ADAMTS17: variants seen among roughly 807,000 people sequenced by gnomAD.
ADAMTS17 encodes ADAM metallopeptidase with thrombospondin type 1 motif 17.
In ADAMTS17, 113 loss-of-function variants were observed where a neutral mutation model predicts 141.5. The ratio of observed to expected loss-of-function variants is 0.80; its 90% CI spans 0.69 to 0.93. The LOEUF is 0.93. Among genes scored for constraint, ADAMTS17 ranks in the 40% least tolerant of loss-of-function variants. ADAMTS17 has a pLI of 0.00. For missense variants in ADAMTS17, 1,659 were observed against 1,517.9 expected, an observed-to-expected ratio of 1.09 and a Z score of -1.54; for synonymous variants, 768 against 630.6, an observed-to-expected ratio of 1.22 and a Z score of -3.27.
chr15:100,151,734 C>T (rs932193094), intron 10 of ADAMTS17, among the ~76,000 whole-genome samples: 1 of 152,210 alleles, frequency 6.6e-6, no homozygotes, highest in Non-Finnish European at 1.5e-5. Flanking sequence ...AGGTGGACCA[C>T]AGGCTCCTGG....
At chr15:100,181,274 G>A (rs1483772311) in intron 8 of ADAMTS17, among the ~76,000 whole-genome samples, 4 of 152,210 alleles carry the variant, frequency 2.6e-5, no homozygotes, top group Admixed American at 1.3e-4. Flanking sequence ...TGGAACTGGG[G>A]ACCCCAAGAG....
chr15:100,140,854 C>T (rs1478729025), intron 10 of ADAMTS17, among the ~76,000 whole-genome samples: 5 of 152,108 alleles, frequency 3.3e-5, no homozygotes, highest in African/African-American at 7.2e-5. Context: ...CTGTGCTCAG[C>T]GACATGCCGT....
rs1378328875 is a variant in ADAMTS17 at position 100,136,084 on chromosome 15, C to T, written c.1474-2769G>A. On this transcript the variant is annotated intron_variant, in intron 10 of 21. Transcript: ENST00000268070. ...AGCAATTCGAATCCTAAGTATATAA[C>T]GCAAAAAATGTGTATGTGTTCACCA... 7.2e-5 allele frequency among the ~76,000 whole-genome samples: 11 copies of T among 152,208 alleles called. No homozygotes were observed. The South Asian group carries it at 1.0e-3, about 14-fold the overall frequency.
intron 13 of ADAMTS17, among the ~76,000 whole-genome samples, chr15:100,110,634 G>A (rs1161176696): frequency 2.0e-5 from 3 of 152,132 alleles, no homozygotes; most frequent in African/African-American, 2.4e-5. Context: ...TGAGCAAGAG[G>A]AATGCATTTT....
intron 18 of ADAMTS17, among the ~76,000 whole-genome samples, chr15:100,027,953 G>C (rs1022140469): frequency 5.3e-5 from 8 of 152,100 alleles, no homozygotes; most frequent in Non-Finnish European, 1.2e-4. Context: ...CATTTCTGTG[G>C]AGTCTCCTGA....
At position 100,341,973 on chromosome 15, in the gene ADAMTS17, A is replaced by C; in HGVS notation, c.-74T>G. The C allele has an allele frequency of 6.6e-7, 1 of 1,513,840 alleles. No individual in the cohort carries two copies. Among genetic ancestry groups the C allele is most frequent in the South Asian group, 1.2e-5 (1 of 83,290 alleles). The allele number at this position is 1,513,840 out of a possible 1,614,324, so 93.8% of individuals were successfully genotyped here. A position where few individuals can be genotyped will look rare whatever the true frequency, so the allele number is the denominator to read the frequency against. ...CGCGCTAGGCGGCGGCGCCAGCCGG[A>C]GTGAAGCCCTCCAGCCTTTGGAAAA... On this transcript the variant is annotated 5_prime_UTR_variant, in exon 1 of 22. Coordinates refer to ENST00000268070, the MANE Select transcript of ADAMTS17 (RefSeq NM_139057.4).
chr15:100,295,667 T>A (rs2044783391), intron 3 of ADAMTS17, among the ~76,000 whole-genome samples: 1 of 152,154 alleles, frequency 6.6e-6, no homozygotes, highest in Non-Finnish European at 1.5e-5. Context: ...ATGATACCTA[T>A]CTCCTGGGTT....
Position 100,261,526 on chromosome 15 carries a change from G to A in ADAMTS17, c.984C>T (p.Gly328=), listed in dbSNP as rs374501456. ...CCACCAGGGGCGGGTCGTCCTTCCC[G>A]CCGGGAACCTGGTTATTGCCGAGGT... ...ARYLGNNQVP[G]GKDDPPLVDA... The change falls in exon 6 of 22, where the codon GGC becomes GGT. Residue 328 remains glycine (G), a synonymous_variant. Transcript: ENST00000268070. The A allele has an allele frequency of 1.2e-5, 20 of 1,613,968 alleles. No individual in the cohort carries two copies. Among genetic ancestry groups the A allele is most frequent in the East Asian group, 2.2e-5 (1 of 44,874 alleles).
intron 8 of ADAMTS17, among the ~76,000 whole-genome samples, chr15:100,185,364 T>C (rs1394260831): frequency 6.6e-6 from 1 of 151,952 alleles, no homozygotes; most frequent in African/African-American, 2.4e-5. Context: ...TTAAGTTTTG[T>C]CTTACTACAC....
At chr15:100,313,495 C>CA (rs2045466977) in intron 3 of ADAMTS17, among the ~76,000 whole-genome samples, 1 of 152,194 alleles carries the variant, frequency 6.6e-6, no homozygotes, top group Admixed American at 6.6e-5. Flanking sequence ...AAAATACACC[C>CA]ACACGGGCCA....
intron 12 of ADAMTS17, among the ~76,000 whole-genome samples, chr15:100,123,031 G>C (rs1356316434): frequency 6.6e-6 from 1 of 152,342 alleles, no homozygotes; most frequent in East Asian, 1.9e-4. Flanking sequence ...AGTTTCCACA[G>C]ATGGCTACCT....
intron 10 of ADAMTS17, among the ~76,000 whole-genome samples, chr15:100,151,564 T>G (rs1408120292): frequency 6.6e-6 from 1 of 152,180 alleles, no homozygotes; most frequent in African/African-American, 2.4e-5. Flanking sequence ...GGACCAGGTG[T>G]GCTTCTGAGT....
rs2046070156 is a variant in ADAMTS17, at chr15:100,332,068, T to TCC, written c.451-1016_451-1015dup. On this transcript the variant is annotated intron_variant, in intron 2 of 21. Transcript: ENST00000268070. ...TAATAAGATCGCCTACAATCTTGCG[T>TCC]CCCCAAGATACAGGGTGAGGCCATA... Among the ~76,000 whole-genome samples the TCC allele has an allele frequency of 3.3e-5, 5 of 152,238 alleles. No homozygotes were observed. The South Asian group carries it at 1.0e-3, about 32-fold the overall frequency.
chr15:99,976,155 C>G lies in ADAMTS17; in HGVS notation c.3017G>C (p.Arg1006Pro). 1 of 1,550,662 alleles carries G rather than the reference C, an allele frequency of 6.4e-7. No individual in the cohort carries two copies. Among genetic ancestry groups the G allele is most frequent in the Non-Finnish European group, 8.7e-7 (1 of 1,146,960 alleles). The change falls in exon 21 of 22, where the codon CGC (arginine) becomes CCC (proline). Residue 1006 changes from arginine (R) to proline (P), a missense_variant. Coordinates refer to ENST00000268070, the MANE Select transcript of ADAMTS17 (RefSeq NM_139057.4). ...GAGGGCGGGGCACTCGCTGCCGTGG[C>G]GCCCTGTGACCTTGTGCATGCACTG... The part of the protein sequence containing the change: ...VVQCMHKVTG[R>P]HGSECPALSK...
chr15:100,181,476 C>T (rs990105121), intron 8 of ADAMTS17, among the ~76,000 whole-genome samples: 1 of 152,242 alleles, frequency 6.6e-6, no homozygotes, highest in Non-Finnish European at 1.5e-5. Flanking sequence ...GGCATACTAC[C>T]TGGGTATACC....
chr15:100,042,560 G>C (rs2141544032), intron 18 of ADAMTS17, among the ~76,000 whole-genome samples: 1 of 152,198 alleles, frequency 6.6e-6, no homozygotes, highest in East Asian at 1.9e-4. Flanking sequence ...TCACTTACAG[G>C]ATGCATTTTA....
intron 2 of ADAMTS17, among the ~76,000 whole-genome samples, chr15:100,339,926 TTC>T (rs1489917848): frequency 6.6e-6 from 1 of 152,194 alleles, no homozygotes; most frequent in Non-Finnish European, 1.5e-5. Context: ...GCTTCGTAGA[TTC>T]TCGAGGACTC....
intron 8 of ADAMTS17, chr15:100,168,376 G>A (rs2040030503): frequency 6.6e-6 from 1 of 152,238 alleles, no homozygotes; most frequent in South Asian, 2.1e-4. Flanking sequence ...AAAGACTGCT[G>A]GAGCAGAGCG....
intron 18 of ADAMTS17, among the ~76,000 whole-genome samples, chr15:100,040,074 A>C (rs985631661): frequency 6.6e-6 from 1 of 152,210 alleles, no homozygotes; most frequent in Non-Finnish European, 1.5e-5. Context: ...TTTGTATATA[A>C]GTATACACTC....
Sources: gnomAD v4.1 joint callset for allele counts (sites outside exome capture counted in the v4.1 genomes callset) on GRCh38, gnomAD v4.1.1 for gene constraint, MANE v1.5 for transcripts, NCBI Gene and HGNC (gene_info 2026-07-23, HGNC 2026-07-21) for gene names.